PLCB1: variants seen among roughly 807,000 people sequenced by gnomAD.
PLCB1 encodes the protein 1-phosphatidylinositol 4,5-bisphosphate phosphodiesterase beta-1.
A neutral mutation model predicts 161.8 loss-of-function variants in PLCB1; 46 were observed. The ratio of observed to expected loss-of-function variants is 0.28; its 90% CI spans 0.22 to 0.36. The LOEUF is 0.36. Among genes scored for constraint, PLCB1 ranks in the 10% least tolerant of loss-of-function variants. The pLI, the probability that PLCB1 is intolerant of heterozygous loss-of-function variation, is 1.00. For missense variants in PLCB1, 1,016 were observed against 1,472.5 expected, an observed-to-expected ratio of 0.69 and a Z score of 5.07; for synonymous variants, 517 against 503.7, an observed-to-expected ratio of 1.03 and a Z score of -0.35.
intron 16 of PLCB1, among the ~76,000 whole-genome samples, chr20:8,726,648 C>T (rs1282590111): frequency 6.6e-6 from 1 of 151,880 alleles, no homozygotes; most frequent in Non-Finnish European, 1.5e-5. Context: ...GGAACCACGC[C>T]CATAATTCAA....
intron 2 of PLCB1, among the ~76,000 whole-genome samples, chr20:8,358,837 T>G (rs1986448100): frequency 6.6e-6 from 1 of 152,232 alleles, no homozygotes. Flanking sequence ...ATTTTCTGTT[T>G]CTCATCCTTT....
At chr20:8,217,170 A>T (rs571000901) in intron 2 of PLCB1, among the ~76,000 whole-genome samples, 7 of 152,278 alleles carry the variant, frequency 4.6e-5, no homozygotes, top group African/African-American at 1.7e-4. Flanking sequence ...AAAGCATCTG[A>T]AACCTTCACG....
chr20:8,424,918 A>G (rs533520586), intron 3 of PLCB1, among the ~76,000 whole-genome samples: 1 of 152,284 alleles, frequency 6.6e-6, no homozygotes, highest in Non-Finnish European at 1.5e-5. Flanking sequence ...CAGGGGCCCA[A>G]ATACAGAATC....
At chr20:8,503,794 A>G (rs535209081) in intron 3 of PLCB1, among the ~76,000 whole-genome samples, 14 of 152,292 alleles carry the variant, frequency 9.2e-5, no homozygotes, top group Admixed American at 4.6e-4. Flanking sequence ...AATCATGGGA[A>G]TATATTTCTC....
intron 3 of PLCB1, among the ~76,000 whole-genome samples, chr20:8,484,951 G>A (rs1404602760): frequency 6.6e-6 from 1 of 152,160 alleles, no homozygotes; most frequent in African/African-American, 2.4e-5. Flanking sequence ...CATGTTCTTA[G>A]GAACTTGCTA....
intron 3 of PLCB1, among the ~76,000 whole-genome samples, chr20:8,540,674 TCATCACAGACCCC>T (rs1199175075): frequency 6.6e-6 from 1 of 152,094 alleles, no homozygotes; most frequent in Non-Finnish European, 1.5e-5. Flanking sequence ...AGCACACCTC[TCATCACAGACCCC>T]CATTGATGAG....
chr20:8,159,295 C>T (rs1243582305), intron 2 of PLCB1, among the ~76,000 whole-genome samples: 1 of 152,148 alleles, frequency 6.6e-6, no homozygotes, highest in African/African-American at 2.4e-5. Flanking sequence ...GAAGCCATGG[C>T]CCATGTTCTA....
At chr20:8,394,192 T>A (rs1987693707) in intron 3 of PLCB1, among the ~76,000 whole-genome samples, 1 of 152,146 alleles carries the variant, frequency 6.6e-6, no homozygotes, top group African/African-American at 2.4e-5. Context: ...AGAGTGAGAT[T>A]CTCTGTCCAC....
At chr20:8,251,759 T>G (rs954649179) in intron 2 of PLCB1, among the ~76,000 whole-genome samples, 2 of 151,978 alleles carry the variant, frequency 1.3e-5, no homozygotes, top group Non-Finnish European at 2.9e-5. Context: ...GTGAGACACA[T>G]TCCTAGGTCC....
intron 2 of PLCB1, among the ~76,000 whole-genome samples, chr20:8,158,016 C>T (rs953542061): frequency 2.7e-4 from 41 of 152,294 alleles, no homozygotes; most frequent in African/African-American, 8.9e-4. Context: ...ATATTTAGCT[C>T]TTCCCACTAC....
intron 9 of PLCB1, among the ~76,000 whole-genome samples, chr20:8,669,076 A>AT (rs1179524390): frequency 7.9e-5 from 12 of 152,230 alleles, no homozygotes; most frequent in Non-Finnish European, 1.6e-4. Flanking sequence ...GGAGCCTATA[A>AT]TTACAAGGAG....
At chr20:8,671,858 C>A (rs1366665401) in intron 9 of PLCB1, among the ~76,000 whole-genome samples, 1 of 152,196 alleles carries the variant, frequency 6.6e-6, no homozygotes, top group Non-Finnish European at 1.5e-5. Flanking sequence ...AGATCCATTT[C>A]ACACCAAATA....
rs901494880 is a variant in PLCB1 at position 8,764,430 on chromosome 20, C to A, written c.2711-709C>A. On this transcript the variant is annotated intron_variant, in intron 25 of 31. Transcript: ENST00000338037. ...CTGAGTTAAATACTTTCCATGAGTT[C>A]TTTTATTTCATCATCTTAACAACCC... Among the ~76,000 whole-genome samples the A allele has an allele frequency of 2.9e-4, 44 of 152,118 alleles. 1 individual carries two copies. The highest frequency in any genetic ancestry group is 1.1e-3 in the African/African-American group (44 of 41,420).
At chr20:8,221,077 T>C (rs1281003479) in intron 2 of PLCB1, among the ~76,000 whole-genome samples, 1 of 152,192 alleles carries the variant, frequency 6.6e-6, no homozygotes, top group African/African-American at 2.4e-5. Context: ...ATTAGTTGAC[T>C]TGAAGGTTAA....
intron 27 of PLCB1, 132 bp downstream of exon 27, chr20:8,774,851 A>G (rs1982868171): frequency 1.6e-6 from 1 of 611,798 alleles, no homozygotes; most frequent in African/African-American, 1.8e-5. Context: ...TGTTTAGGTG[A>G]CACAGTGTCC....
chr20:8,850,331 G>A (rs1021999942), intron 31 of PLCB1, among the ~76,000 whole-genome samples: 1 of 152,154 alleles, frequency 6.6e-6, no homozygotes, highest in Non-Finnish European at 1.5e-5. Flanking sequence ...TATAAATGTA[G>A]GTAGTAGCAC....
chr20:8,874,557 A>T (rs1474737564), intron 31 of PLCB1, among the ~76,000 whole-genome samples: 1 of 152,064 alleles, frequency 6.6e-6, no homozygotes, highest in Non-Finnish European at 1.5e-5. Context: ...AAATATGCTA[A>T]TGCTATCTGA....
intron 31 of PLCB1, among the ~76,000 whole-genome samples, chr20:8,810,150 A>G (rs1004441566): frequency 1.3e-5 from 2 of 152,158 alleles, no homozygotes; most frequent in African/African-American, 4.8e-5. Context: ...AAACAAGTAA[A>G]AAGTTGCTCA....
chr20:8,861,396 A>G (rs1481465559), intron 31 of PLCB1, among the ~76,000 whole-genome samples: 2 of 152,192 alleles, frequency 1.3e-5, no homozygotes, highest in Non-Finnish European at 2.9e-5. Context: ...TTGAGATAAA[A>G]CATTTGGTTA....
Sources: allele counts gnomAD v4.1 joint callset (sites outside exome capture counted in the v4.1 genomes callset), GRCh38; gene constraint gnomAD v4.1.1; transcripts MANE v1.5; gene names NCBI Gene and HGNC (gene_info 2026-07-23, HGNC 2026-07-21).